PDK1: variants seen among roughly 807,000 people sequenced by gnomAD.
PDK1 encodes pyruvate dehydrogenase kinase 1.
PDK1 carries 39 observed loss-of-function variants against 54.2 expected under a neutral mutation model. The observed-to-expected ratio is 0.72, with a 90% CI of 0.56 to 0.94. The LOEUF is 0.94. Ranked by LOEUF, PDK1 falls within the 40% of genes least tolerant of loss-of-function variation. PDK1 has a pLI of 0.00. For synonymous variants in PDK1, 221 were observed against 207.1 expected, an observed-to-expected ratio of 1.07 and a Z score of -0.58; for missense variants, 552 against 566.0, an observed-to-expected ratio of 0.98 and a Z score of 0.25.
the PDK1 span, among the ~76,000 whole-genome samples, chr2:172,662,290 C>T: frequency 6.6e-6 from 1 of 152,122 alleles, no homozygotes; most frequent in Non-Finnish European, 1.5e-5. Flanking sequence ...TCTAAAAATT[C>T]AGTTCTGATT....
the PDK1 span, among the ~76,000 whole-genome samples, chr2:172,624,835 A>C: frequency 1.3e-5 from 2 of 152,124 alleles, no homozygotes; most frequent in African/African-American, 4.8e-5. Flanking sequence ...TCTCTGTTTC[A>C]AAATTAGCTG....
At chr2:172,674,149 G>C in the PDK1 span, 34,818 of 152,412 alleles carry the variant, frequency 0.23, 5,597 homozygotes, top group African/African-American at 0.45. Flanking sequence ...CTTGGCACCT[G>C]ATCAGCCTTC....
At chr2:172,658,050 G>A in the PDK1 span, among the ~76,000 whole-genome samples, 1 of 152,122 alleles carries the variant, frequency 6.6e-6, no homozygotes, top group Admixed American at 6.5e-5. Context: ...AGCTCTTGTG[G>A]ATACTAATCG....
the PDK1 span, among the ~76,000 whole-genome samples, chr2:172,710,239 G>A: frequency 6.6e-6 from 1 of 152,210 alleles, no homozygotes; most frequent in Non-Finnish European, 1.5e-5. Context: ...AGGGTAACAT[G>A]TTGGAAGCTG....
chr2:172,587,676 T>G (rs571525454), intron 9 of PDK1, among the ~76,000 whole-genome samples: 2 of 152,200 alleles, frequency 1.3e-5, no homozygotes, highest in African/African-American at 2.4e-5. Context: ...GGGGGCCTGC[T>G]TTTATTCACT....
At chr2:172,586,442 T>C (rs1690234464) in intron 9 of PDK1, 54 bp downstream of exon 9, 5 of 1,062,710 alleles carry the variant, frequency 4.7e-6, no homozygotes, top group African/African-American at 1.6e-5. Flanking sequence ...TTCCACATGC[T>C]GTAGCTGCCA....
chr2:172,592,307 C>G (rs1690634833), intron 9 of PDK1, among the ~76,000 whole-genome samples: 1 of 152,100 alleles, frequency 6.6e-6, no homozygotes, highest in African/African-American at 2.4e-5. Flanking sequence ...ATCTCTCTTT[C>G]TCTTTGACTT....
chr2:172,573,298 G>A (rs1004085284), intron 8 of PDK1, among the ~76,000 whole-genome samples: 1 of 152,104 alleles, frequency 6.6e-6, no homozygotes, highest in Non-Finnish European at 1.5e-5. Flanking sequence ...GTGTGAAGTG[G>A]TATCTCAGTG....
the PDK1 span, among the ~76,000 whole-genome samples, chr2:172,616,619 C>A: frequency 6.6e-6 from 1 of 152,102 alleles, no homozygotes; most frequent in South Asian, 2.1e-4. Flanking sequence ...GGTATTCATT[C>A]AAATTGAAGG....
chr2:172,681,013 C>A, the PDK1 span, among the ~76,000 whole-genome samples: 1 of 152,232 alleles, frequency 6.6e-6, no homozygotes, highest in Non-Finnish European at 1.5e-5. Context: ...CTCCATCTTT[C>A]ACCTGGCAAC....
Position 172,565,085 on chromosome 2 carries a change from C to T in PDK1, c.691+12C>T, listed in dbSNP as rs777277070. On this transcript the variant is annotated intron_variant, in intron 5 of 10. Transcript: ENST00000282077. ...TGAAGTTATTAAAGGTAAATACTGA[C>T]ATTTCTCCTTGCAAAAAAAGATACA... 5.6e-5 allele frequency: 79 copies of T among 1,416,366 alleles called. No homozygotes were observed. In the East Asian group the frequency reaches 1.8e-3, roughly 31 times the overall value. 87.7% of individuals were successfully genotyped at this position (1,416,366 alleles called of 1,614,324 possible). A position where few individuals can be genotyped will look rare whatever the true frequency, so the allele number is the denominator to read the frequency against.
In PDK1 at chr2:172,596,246, T is replaced by G. The variant is rs373176125; in HGVS notation, c.*277T>G. 4.1e-5 allele frequency: 10 copies of G among 244,572 alleles called. No homozygotes were observed. The highest frequency in any genetic ancestry group is 3.3e-4 in the South Asian group (2 of 6,144). 15.2% of individuals were successfully genotyped at this position (244,572 alleles called of 1,614,324 possible). On this transcript the variant is annotated 3_prime_UTR_variant, in exon 11 of 11. Transcript: ENST00000282077. ...CACTTTGTGGTAGACTTCAGAAGTG[T>G]GGAAATCTTCGGGTTTCTATAGGAA... is the stretch of plus-strand genomic sequence containing the variant.
intron 8 of PDK1, among the ~76,000 whole-genome samples, chr2:172,585,600 A>G (rs1379949373): frequency 6.6e-6 from 1 of 152,050 alleles, no homozygotes; most frequent in Non-Finnish European, 1.5e-5. Context: ...TGCTGGGATT[A>G]CAGGTGTGCA....
intron 8 of PDK1, among the ~76,000 whole-genome samples, chr2:172,585,279 G>A (rs1039010531): frequency 3.3e-5 from 5 of 149,762 alleles, no homozygotes; most frequent in African/African-American, 7.4e-5. Context: ...GATCACAAGC[G>A]TGAATCACCA....
chr2:172,682,054 C>T, the PDK1 span, among the ~76,000 whole-genome samples: 1 of 152,366 alleles, frequency 6.6e-6, no homozygotes, highest in African/African-American at 2.4e-5. Flanking sequence ...CCACCACGCC[C>T]AGCCAGGAAT....
the PDK1 span, among the ~76,000 whole-genome samples, chr2:172,620,988 A>G: frequency 6.6e-6 from 1 of 152,214 alleles, no homozygotes; most frequent in Admixed American, 6.5e-5. Context: ...TCTGATGATT[A>G]GAACATGTCG....
chr2:172,719,433 G>A, the PDK1 span, among the ~76,000 whole-genome samples: 1 of 152,154 alleles, frequency 6.6e-6, no homozygotes, highest in Non-Finnish European at 1.5e-5. Context: ...CATTAGCAAT[G>A]TATGATGGTT....
chr2:172,617,553 G>A, the PDK1 span, among the ~76,000 whole-genome samples: 1 of 152,010 alleles, frequency 6.6e-6, no homozygotes, highest in Non-Finnish European at 1.5e-5. Context: ...TCTGAGGGGA[G>A]GACCATCATA....
chr2:172,627,863 A>G, the PDK1 span, among the ~76,000 whole-genome samples: 1 of 152,216 alleles, frequency 6.6e-6, no homozygotes, highest in South Asian at 2.1e-4. Context: ...CTGCTTGCAC[A>G]TCCACTTGCA....
Sources: gnomAD v4.1 joint callset for allele counts (sites outside exome capture counted in the v4.1 genomes callset) on GRCh38, gnomAD v4.1.1 for gene constraint, MANE v1.5 for transcripts, NCBI Gene and HGNC (gene_info 2026-07-23, HGNC 2026-07-21) for gene names.